The following XYLB variants were observed in gnomAD, a reference collection of about 807,000 sequenced individuals.
The protein encoded by XYLB is xylulokinase.
A neutral mutation model predicts 78.7 loss-of-function variants in XYLB; 62 were observed. The observed-to-expected ratio is 0.79, with a 90% CI of 0.64 to 0.97. The LOEUF (loss-of-function observed/expected upper bound fraction) is 0.97. XYLB is among the 50% of genes least tolerant of loss of function. The probability of loss-of-function intolerance (pLI) is 0.00; values close to 1 mark genes in which losing one functional copy is unlikely to be tolerated. For missense variants in XYLB, 687 were observed against 676.8 expected, an observed-to-expected ratio of 1.02 and a Z score of -0.17; for synonymous variants, 245 against 247.4, an observed-to-expected ratio of 0.99 and a Z score of 0.09.
chr3:38,434,023 A>C, the XYLB span, among the ~76,000 whole-genome samples: 1 of 152,224 alleles, frequency 6.6e-6, no homozygotes, highest in Admixed American at 6.5e-5. Flanking sequence ...TCATGATAGA[A>C]GACACCTCTT....
intron 1 of XYLB, 96 bp downstream of exon 1, chr3:38,347,021 C>T (rs1287745529): frequency 1.1e-5 from 13 of 1,214,388 alleles, no homozygotes; most frequent in Non-Finnish European, 1.4e-5. Context: ...AACATGGGCC[C>T]GGCCGCGGGC....
intron 2 of XYLB, chr3:38,356,011 G>A (rs1705629459): frequency 2.0e-6 from 1 of 497,878 alleles, no homozygotes; most frequent in Admixed American, 3.3e-5. Context: ...AGCACTTTGG[G>A]ATTACAGAGG....
At chr3:38,412,678 C>T (rs1708642930) in intron 18 of XYLB, among the ~76,000 whole-genome samples, 1 of 152,184 alleles carries the variant, frequency 6.6e-6, no homozygotes, top group South Asian at 2.1e-4. Flanking sequence ...TAGGTACTCT[C>T]ACCAGAATTT....
Position 38,365,751 on chromosome 3 carries a change from C to A in XYLB, c.507+15C>A. On this transcript the variant is annotated intron_variant, in intron 6 of 18. Transcript: ENST00000207870. ...GTGCCTATGAGGTAGGCTGAGGATG[C>A]GGGGGGTGCAGGGGGTGGTCTGGTT... The A allele has an allele frequency of 5.0e-6, 8 of 1,605,754 alleles. No individual in the cohort carries two copies. The highest frequency in any genetic ancestry group is 6.8e-6 in the Non-Finnish European group (8 of 1,175,544).
intron 18 of XYLB, among the ~76,000 whole-genome samples, chr3:38,406,578 C>G (rs1453767771): frequency 6.6e-6 from 1 of 152,172 alleles, no homozygotes; most frequent in Non-Finnish European, 1.5e-5. Flanking sequence ...GATGATCAAA[C>G]TACTCTGAGC....
intron 17 of XYLB, among the ~76,000 whole-genome samples, chr3:38,398,374 A>C (rs1228725274): frequency 5.3e-5 from 8 of 151,836 alleles, no homozygotes; most frequent in Non-Finnish European, 1.0e-4. Context: ...AGGCTGAGGC[A>C]GGAGAATCGC....
At chr3:38,443,402 GA>G in the XYLB span, among the ~76,000 whole-genome samples, 4 of 152,186 alleles carry the variant, frequency 2.6e-5, no homozygotes, top group African/African-American at 9.7e-5. Flanking sequence ...GGACATGGGC[GA>G]GGGGGAAGCT....
At chr3:38,375,404 C>T in intron 12 of XYLB, 145 bp downstream of exon 12, 1 of 701,294 alleles carries the variant, frequency 1.4e-6, no homozygotes, top group Non-Finnish European at 2.4e-6. Flanking sequence ...ACTGAGACCC[C>T]CAAGGACTCA....
At chr3:38,406,189 C>A (rs898410478) in intron 18 of XYLB, among the ~76,000 whole-genome samples, 9 of 152,342 alleles carry the variant, frequency 5.9e-5, no homozygotes, top group African/African-American at 2.2e-4. Context: ...TGAGACAAAA[C>A]TTCCAGAGAA....
At chr3:38,447,360 G>A in the XYLB span, among the ~76,000 whole-genome samples, 1 of 152,092 alleles carries the variant, frequency 6.6e-6, no homozygotes, top group Non-Finnish European at 1.5e-5. Flanking sequence ...TTGGAGTGCA[G>A]TGTCACGATC....
At chr3:38,372,422 A>C in intron 9 of XYLB, 1 of 985,038 alleles carries the variant, frequency 1.0e-6, no homozygotes, top group Non-Finnish European at 1.2e-6. Context: ...TTTTGAAATG[A>C]CCTCATGCTC....
chr3:38,350,678 C>A (rs980729158), intron 2 of XYLB, among the ~76,000 whole-genome samples: 1 of 152,094 alleles, frequency 6.6e-6, no homozygotes, highest in Non-Finnish European at 1.5e-5. Flanking sequence ...TTAAGACCTT[C>A]TTTTCTAATA....
intron 18 of XYLB, among the ~76,000 whole-genome samples, chr3:38,402,965 A>C (rs897749209): frequency 6.6e-6 from 1 of 152,144 alleles, no homozygotes; most frequent in Admixed American, 6.6e-5. Flanking sequence ...AATCCACTAT[A>C]TCTGAAATAT....
intron 12 of XYLB, among the ~76,000 whole-genome samples, chr3:38,375,516 A>G (rs1706806200): frequency 6.6e-6 from 1 of 152,050 alleles, no homozygotes; most frequent in Non-Finnish European, 1.5e-5. Flanking sequence ...ATCCTGTGTG[A>G]CCTTGGGCAA....
At position 38,400,954 on chromosome 3, in the gene XYLB, T is replaced by C. The variant is rs367800397; in HGVS notation, c.1502T>C (p.Leu501Pro). The change falls in exon 18 of 19, where the codon CTA becomes CCA. Residue 501 changes from leucine to proline, a missense_variant. Physicochemically the swap from Leu to Pro is moderately conservative, Grantham distance 98. Coordinates refer to ENST00000207870, the MANE Select transcript of XYLB (RefSeq NM_005108.4). ...EVVKLAPNPR[L>P]AATPSPGASQ... is the part of the protein sequence containing the mutation. ...GTGAAGTTAGCTCCAAATCCCAGAC[T>C]AGCTGCTACCCCAAGCCCGGGAGCT... is the stretch of plus-strand genomic sequence containing the variant. 6.2e-7 allele frequency: 1 copy of C among 1,614,210 alleles called. No homozygotes were observed. Among genetic ancestry groups the C allele is most frequent in the Non-Finnish European group, 8.5e-7 (1 of 1,180,032 alleles).
At position 38,374,482 on chromosome 3, in the gene XYLB, C is replaced by T. The variant is rs1174931284; in HGVS notation, c.868C>T (p.Leu290=). ...DNPASLAGMR[L]EEGDIAVSLG... ...CTCAGCGTCGCTGGCAGGCATGAGA[C>T]TGGAGGAAGGTGACATTGCGGTAAG... The change falls in exon 11 of 19, where the codon CTG becomes TTG. Residue 290 remains leucine (L), a synonymous_variant. Coordinates refer to ENST00000207870, the MANE Select transcript of XYLB (RefSeq NM_005108.4). 4.3e-6 allele frequency: 7 copies of T among 1,613,486 alleles called. No homozygotes were observed. Among genetic ancestry groups the T allele is most frequent in the African/African-American group, 1.3e-5 (1 of 74,882 alleles).
At position 38,379,292 on chromosome 3, in the gene XYLB, G is replaced by T; in HGVS notation, c.1241G>T (p.Gly414Val). Reference sequence around the variant, plus strand: ...GTGGAGGTTCGAGCACTAATTGAAGGACAATTCATGGCCAAGAGGATTCAC... The same window carrying T: ...GTGGAGGTTCGAGCACTAATTGAAGTACAATTCATGGCCAAGAGGATTCAC... The part of the protein sequence containing the change: ...GDVEVRALIE[G>V]QFMAKRIHAE... The change falls in exon 15 of 19, where the codon GGA becomes GTA. Residue 414 changes from glycine (G) to valine (V), a missense_variant. By Grantham distance (109) the Gly-to-Val change is moderately radical (BLOSUM62 -3). Coordinates refer to ENST00000207870, the MANE Select transcript of XYLB (RefSeq NM_005108.4). The T allele has an allele frequency of 6.2e-7, 1 of 1,614,112 alleles. No individual in the cohort carries two copies. Among genetic ancestry groups the T allele is most frequent in the Non-Finnish European group, 8.5e-7 (1 of 1,180,034 alleles).
Position 38,372,423 on chromosome 3 carries a change from C to T in XYLB, c.766-232C>T, listed in dbSNP as rs74433139. The T allele has an allele frequency of 5.2e-4, 510 of 985,326 alleles. 9 individuals are homozygous for T. In the East Asian group the frequency reaches 0.048, roughly 94 times the overall value. 61.0% of individuals were successfully genotyped at this position (985,326 alleles called of 1,614,324 possible). On this transcript the variant is annotated intron_variant, in intron 9 of 18. Coordinates refer to ENST00000207870, the MANE Select transcript of XYLB (RefSeq NM_005108.4). Reference sequence around the variant, plus strand: ...TCAAGATCAGCAGTTTTTGAAATGACCTCATGCTCGTGGTTTCCAAACCTG... The same window carrying T: ...TCAAGATCAGCAGTTTTTGAAATGATCTCATGCTCGTGGTTTCCAAACCTG...
chr3:38,387,404 T>A (rs969786794), intron 15 of XYLB, among the ~76,000 whole-genome samples: 1 of 152,114 alleles, frequency 6.6e-6, no homozygotes, highest in African/African-American at 2.4e-5. Flanking sequence ...AGAGTCTTGC[T>A]CTGTTGCCCA....
Sources: gnomAD v4.1 joint callset for allele counts (sites outside exome capture counted in the v4.1 genomes callset) on GRCh38, gnomAD v4.1.1 for gene constraint, MANE v1.5 for transcripts, NCBI Gene and HGNC (gene_info 2026-07-23, HGNC 2026-07-21) for gene names.